The following CDH13 variants were observed in gnomAD, a reference collection of about 807,000 sequenced individuals.
CDH13 encodes the protein cadherin-13.
Under a neutral mutation model 63.8 loss-of-function variants are expected in CDH13, and 24 were observed. The ratio of observed to expected loss-of-function variants is 0.38; its 90% CI spans 0.27 to 0.53. CDH13 has a LOEUF of 0.53. Ranked by LOEUF, CDH13 falls within the 20% of genes least tolerant of loss-of-function variation. The probability of loss-of-function intolerance (pLI) is 0.85; values close to 1 mark genes in which losing one functional copy is unlikely to be tolerated. For synonymous variants in CDH13, 503 were observed against 355.3 expected (o/e 1.42, Z -4.67); for missense variants, 1,049 against 903.1 (o/e 1.16, Z -2.07).
intron 6 of CDH13, among the ~76,000 whole-genome samples, chr16:83,477,559 C>T (rs1351454178): frequency 6.6e-6 from 1 of 152,150 alleles, no homozygotes; most frequent in African/African-American, 2.4e-5. Flanking sequence ...TGCTCTCCCA[C>T]AGGGTGAGAT....
At chr16:83,551,192 G>A (rs777742896) in intron 7 of CDH13, among the ~76,000 whole-genome samples, 36 of 151,910 alleles carry the variant, frequency 2.4e-4, no homozygotes, top group Non-Finnish European at 4.6e-4. Flanking sequence ...AGTGATTCTC[G>A]TGTCTCAGCC....
intron 6 of CDH13, among the ~76,000 whole-genome samples, chr16:83,448,188 A>G (rs59843211): frequency 0.29 from 43,323 of 151,938 alleles, 7,426 homozygotes; most frequent in African/African-American, 0.48. Context: ...TAATCTCATG[A>G]TCTGAGTCTA....
chr16:83,649,891 T>A (rs1391800428), intron 8 of CDH13, among the ~76,000 whole-genome samples: 1 of 152,166 alleles, frequency 6.6e-6, no homozygotes, highest in Admixed American at 6.5e-5. Flanking sequence ...TCTAACCAGC[T>A]CACAGCTAAG....
chr16:83,448,993 T>C lies in CDH13; in HGVS notation c.782-37484T>C, dbSNP rs1050584897. On this transcript the variant is annotated intron_variant, in intron 6 of 13. Coordinates refer to ENST00000567109, the MANE Select transcript of CDH13 (RefSeq NM_001257.5). ...AGTGAAGCAACAATATGCTCCTAGA[T>C]ACCGAATTTCCACAGCCTGGCAATC... 4.0e-4 allele frequency among the ~76,000 whole-genome samples: 61 copies of C among 152,320 alleles called. 1 individual carries two copies. The highest frequency in any genetic ancestry group is 1.3e-3 in the African/African-American group (56 of 41,578).
intron 1 of CDH13, among the ~76,000 whole-genome samples, chr16:82,671,878 C>T (rs373498817): frequency 9.2e-5 from 14 of 152,092 alleles, no homozygotes; most frequent in Admixed American, 2.0e-4. Context: ...GAGAAAGTTG[C>T]GCACCTGAGA....
At chr16:83,702,538 A>C (rs1906400536) in intron 10 of CDH13, among the ~76,000 whole-genome samples, 1 of 152,146 alleles carries the variant, frequency 6.6e-6, no homozygotes. Flanking sequence ...ACATCTACCA[A>C]CTTTGCTCTA....
At chr16:82,633,998 CT>C (rs923806003) in intron 1 of CDH13, among the ~76,000 whole-genome samples, 3 of 152,222 alleles carry the variant, frequency 2.0e-5, no homozygotes, top group African/African-American at 7.2e-5. Context: ...TTCTAGAAAA[CT>C]AACATTAACA....
intron 3 of CDH13, among the ~76,000 whole-genome samples, chr16:83,115,850 T>C (rs2035268677): frequency 6.6e-6 from 1 of 152,240 alleles, no homozygotes; most frequent in Non-Finnish European, 1.5e-5. Context: ...TTTTCTATTA[T>C]GCAAAGCCAG....
At chr16:82,867,742 G>A (rs1597848893) in intron 2 of CDH13, among the ~76,000 whole-genome samples, 1 of 152,182 alleles carries the variant, frequency 6.6e-6, no homozygotes, top group South Asian at 2.1e-4. Context: ...TCCTAAGGGA[G>A]GAAATACACT....
chr16:83,131,130 A>G (rs1403036815), intron 4 of CDH13, among the ~76,000 whole-genome samples: 1 of 149,390 alleles, frequency 6.7e-6, no homozygotes, highest in Admixed American at 6.7e-5. Context: ...CTGAGATTCC[A>G]AATCACTGCT....
At chr16:83,167,128 A>G (rs556186833) in intron 4 of CDH13, among the ~76,000 whole-genome samples, 12 of 152,012 alleles carry the variant, frequency 7.9e-5, no homozygotes, top group African/African-American at 2.7e-4. Flanking sequence ...ACGTATTTGC[A>G]GTGGTACTTC....
intron 5 of CDH13, among the ~76,000 whole-genome samples, chr16:83,263,822 A>G (rs1907268351): frequency 2.6e-5 from 4 of 152,156 alleles, no homozygotes; most frequent in South Asian, 2.1e-4. Flanking sequence ...GCCCATGTGT[A>G]CTACAGGTTG....
chr16:82,863,418 T>G (rs1785016505), intron 2 of CDH13, among the ~76,000 whole-genome samples: 1 of 152,182 alleles, frequency 6.6e-6, no homozygotes, highest in Admixed American at 6.5e-5. Context: ...CTCCAATTGG[T>G]TACAATACTG....
At chr16:82,763,650 T>C (rs1338444692) in intron 1 of CDH13, among the ~76,000 whole-genome samples, 7 of 152,218 alleles carry the variant, frequency 4.6e-5, no homozygotes, top group Admixed American at 2.0e-4. Flanking sequence ...TCAATAGATA[T>C]ATAATGAGCC....
rs1218198800 is a variant in CDH13 at position 83,418,289 on chromosome 16, C to T, written c.782-68188C>T. On this transcript the variant is annotated intron_variant, in intron 6 of 13. Coordinates refer to ENST00000567109, the MANE Select transcript of CDH13 (RefSeq NM_001257.5). The stretch of plus-strand genomic sequence containing the variant: ...AAAGCATTTAGCTCAGCAGCTGGCA[C>T]TTGTCAGTACCCAGTAACTGTTACC... Among the ~76,000 whole-genome samples the T allele has an allele frequency of 5.9e-5, 9 of 152,262 alleles. 1 individual carries two copies. In the East Asian group the frequency reaches 1.5e-3, roughly 26 times the overall value.
At chr16:83,413,283 A>C (rs1387260369) in intron 6 of CDH13, among the ~76,000 whole-genome samples, 1 of 152,182 alleles carries the variant, frequency 6.6e-6, no homozygotes, top group African/African-American at 2.4e-5. Flanking sequence ...AATAGCTTCA[A>C]ATCTCACAAT....
chr16:83,152,682 G>C (rs1266233025), intron 4 of CDH13, among the ~76,000 whole-genome samples: 1 of 152,158 alleles, frequency 6.6e-6, no homozygotes, highest in East Asian at 1.9e-4. Context: ...GACTGTTTTG[G>C]ACAAACACGC....
At position 83,428,057 on chromosome 16, in the gene CDH13, T is replaced by G. The variant is rs73599913; in HGVS notation, c.782-58420T>G. On this transcript the variant is annotated intron_variant, in intron 6 of 13. Transcript: ENST00000567109. Reference sequence around the variant, plus strand: ...ATCGGTCTCTGGTATATTTCCCCTTTGCAGATGACACAGAGAGGGTCATTT... The same window carrying G: ...ATCGGTCTCTGGTATATTTCCCCTTGGCAGATGACACAGAGAGGGTCATTT... Among the ~76,000 whole-genome samples, 1,438 of 152,292 alleles carry G rather than the reference T, an allele frequency of 9.4e-3. 21 individuals are homozygous for G. The highest frequency in any genetic ancestry group is 0.032 in the African/African-American group (1,344 of 41,544).
intron 2 of CDH13, among the ~76,000 whole-genome samples, chr16:82,959,155 C>T (rs1243121742): frequency 2.0e-5 from 3 of 152,138 alleles, no homozygotes; most frequent in African/African-American, 7.2e-5. Flanking sequence ...AGTAAATTTC[C>T]CCTTTTATTT....
Sources: allele counts gnomAD v4.1 joint callset (sites outside exome capture counted in the v4.1 genomes callset), GRCh38; gene constraint gnomAD v4.1.1; transcripts MANE v1.5; gene names NCBI Gene and HGNC (gene_info 2026-07-23, HGNC 2026-07-21).